The following KCNB2 variants were observed in gnomAD, a reference collection of about 807,000 sequenced individuals.
KCNB2 encodes the protein delayed rectifier potassium channel protein.
KCNB2 carries 15 observed loss-of-function variants against 61.5 expected under a neutral mutation model. The observed-to-expected ratio is 0.24, with a 90% confidence interval of 0.16 to 0.38. The LOEUF is 0.38. Among genes scored for constraint, KCNB2 ranks in the 10% least tolerant of loss-of-function variants. KCNB2 has a pLI of 1.00. For synonymous variants in KCNB2, 457 were observed against 446.0 expected (o/e 1.02, Z -0.31); for missense variants, 828 against 1,125.2 (o/e 0.74, Z 3.78).
rs112276409 is a variant in KCNB2 at position 72,755,271 on chromosome 8, T to C, written c.580-180664T>C. 2.5e-3 allele frequency among the ~76,000 whole-genome samples: 376 copies of C among 152,296 alleles called. 2 individuals are homozygous for C. Among genetic ancestry groups the C allele is most frequent in the African/African-American group, 8.6e-3 (356 of 41,560 alleles). ...AGGTACTGTGGTATCCTGGATGGGA[T>C]GCTGCCACAGAAAAAGGACATTAGG... On this transcript the variant is annotated intron_variant, in intron 2 of 2. Transcript: ENST00000523207.
intron 2 of KCNB2, among the ~76,000 whole-genome samples, chr8:72,570,570 G>GTT (rs553226244): frequency 6.8e-6 from 1 of 147,936 alleles, no homozygotes. Flanking sequence ...CCTATAACTT[G>GTT]TTTTTTTTTT....
chr8:72,664,844 A>C lies in KCNB2; in HGVS notation c.579+96531A>C, dbSNP rs558475373. Among the ~76,000 whole-genome samples the C allele has an allele frequency of 3.9e-5, 6 of 152,338 alleles. No individual in the cohort carries two copies. In the South Asian group the frequency reaches 1.2e-3, roughly 32 times the overall value. On this transcript the variant is annotated intron_variant, in intron 2 of 2. Coordinates refer to ENST00000523207, the MANE Select transcript of KCNB2 (RefSeq NM_004770.3). ...CTAGTTTGGAATCATTAGGGATTGTAAGTTTAAGTAAGGTTATCAGGGAAG... is the reference window on the plus strand; with the variant it reads ...CTAGTTTGGAATCATTAGGGATTGTCAGTTTAAGTAAGGTTATCAGGGAAG...
intron 2 of KCNB2, among the ~76,000 whole-genome samples, chr8:72,587,487 GC>G (rs1381592577): frequency 6.6e-6 from 1 of 152,186 alleles, no homozygotes; most frequent in East Asian, 1.9e-4. Flanking sequence ...ACTTTGGGAG[GC>G]CAAGGCAGGA....
intron 2 of KCNB2, among the ~76,000 whole-genome samples, chr8:72,791,536 T>C (rs920340980): frequency 2.0e-5 from 3 of 152,024 alleles, no homozygotes; most frequent in African/African-American, 2.4e-5. Context: ...GTGACACAGG[T>C]GAGACTCTGT....
chr8:72,884,686 C>T (rs1012463061), intron 2 of KCNB2, among the ~76,000 whole-genome samples: 6 of 152,114 alleles, frequency 3.9e-5, no homozygotes, highest in African/African-American at 1.4e-4. Flanking sequence ...CTTTTCCATG[C>T]TTATCTGCAA....
At chr8:72,642,576 C>A (rs1046278763) in intron 2 of KCNB2, among the ~76,000 whole-genome samples, 11 of 152,050 alleles carry the variant, frequency 7.2e-5, no homozygotes, top group Admixed American at 2.6e-4. Context: ...GTATCATTTG[C>A]ACTCAGTGGT....
intron 2 of KCNB2, among the ~76,000 whole-genome samples, chr8:72,776,725 C>T (rs546111438): frequency 4.1e-4 from 62 of 152,198 alleles, no homozygotes; most frequent in African/African-American, 1.5e-3. Context: ...CACACACGTT[C>T]GGAGATCGGC....
At chr8:72,723,329 T>C (rs999034702) in intron 2 of KCNB2, among the ~76,000 whole-genome samples, 5 of 152,188 alleles carry the variant, frequency 3.3e-5, no homozygotes, top group Admixed American at 2.0e-4. Context: ...ATATTTAAAA[T>C]GGGGTAACAC....
At chr8:72,742,674 GTCC>G (rs1252500333) in intron 2 of KCNB2, among the ~76,000 whole-genome samples, 4 of 152,078 alleles carry the variant, frequency 2.6e-5, no homozygotes, top group African/African-American at 9.7e-5. Flanking sequence ...AACGTTTCCT[GTCC>G]TCCTGTGCGT....
chr8:72,581,427 T>C (rs955167116), intron 2 of KCNB2, among the ~76,000 whole-genome samples: 1 of 152,222 alleles, frequency 6.6e-6, no homozygotes, highest in Non-Finnish European at 1.5e-5. Context: ...GAACTGTTTC[T>C]TATCTTCAAT....
intron 2 of KCNB2, among the ~76,000 whole-genome samples, chr8:72,728,458 G>T (rs1174418795): frequency 6.6e-6 from 1 of 151,924 alleles, no homozygotes; most frequent in Non-Finnish European, 1.5e-5. Context: ...AATCATTCAG[G>T]ACTAGTTAAA....
intron 2 of KCNB2, among the ~76,000 whole-genome samples, chr8:72,762,865 A>C (rs1255797423): frequency 7.2e-6 from 1 of 138,736 alleles, no homozygotes; most frequent in African/African-American, 2.8e-5. Context: ...CAAAGCAAAA[A>C]GTAAATCATA....
At chr8:72,579,692 C>A (rs975942775) in intron 2 of KCNB2, among the ~76,000 whole-genome samples, 5 of 152,186 alleles carry the variant, frequency 3.3e-5, no homozygotes, top group African/African-American at 9.6e-5. Context: ...GGGAAAGAGA[C>A]TGTTAATTGA....
At chr8:72,788,239 A>C (rs892947357) in intron 2 of KCNB2, among the ~76,000 whole-genome samples, 3 of 152,292 alleles carry the variant, frequency 2.0e-5, no homozygotes, top group African/African-American at 2.4e-5. Flanking sequence ...TGGTTTAAAC[A>C]ACAGAAGCTA....
At chr8:72,881,897 TC>T (rs1388622966) in intron 2 of KCNB2, among the ~76,000 whole-genome samples, 1 of 152,198 alleles carries the variant, frequency 6.6e-6, no homozygotes, top group East Asian at 1.9e-4. Flanking sequence ...ACTCAGAACT[TC>T]CCTGTCACTG....
chr8:72,747,837 G>T lies in KCNB2; in HGVS notation c.579+179524G>T, dbSNP rs535159156. 2.0e-5 allele frequency among the ~76,000 whole-genome samples: 3 copies of T among 152,320 alleles called. No individual in the cohort carries two copies. In the South Asian group the frequency reaches 6.2e-4, roughly 32 times the overall value. On this transcript the variant is annotated intron_variant, in intron 2 of 2. Coordinates refer to ENST00000523207, the MANE Select transcript of KCNB2 (RefSeq NM_004770.3). ...ACTTACTGTAATATTGTCATGCTTA[G>T]CATAAAGTTCAAACCTAGATGATGC... is the stretch of plus-strand genomic sequence containing the variant.
At chr8:72,566,261 A>G (rs186865412) in intron 1 of KCNB2, among the ~76,000 whole-genome samples, 2 of 152,316 alleles carry the variant, frequency 1.3e-5, no homozygotes, top group East Asian at 1.9e-4. Context: ...TAAAATTCCA[A>G]TAATGATGAC....
chr8:72,763,550 A>T (rs1808418875), intron 2 of KCNB2, among the ~76,000 whole-genome samples: 1 of 152,184 alleles, frequency 6.6e-6, no homozygotes, highest in Non-Finnish European at 1.5e-5. Context: ...TGAAACACAA[A>T]ACCCAAGGAG....
chr8:72,921,776 A>G (rs1287006458), intron 2 of KCNB2, among the ~76,000 whole-genome samples: 2 of 152,186 alleles, frequency 1.3e-5, no homozygotes, highest in African/African-American at 4.8e-5. Flanking sequence ...TACCTATTTA[A>G]CAAATCGTAA....
Sources: allele counts gnomAD v4.1 joint callset (sites outside exome capture counted in the v4.1 genomes callset), GRCh38; gene constraint gnomAD v4.1.1; transcripts MANE v1.5; gene names NCBI Gene and HGNC (gene_info 2026-07-23, HGNC 2026-07-21).